Variants in SVOPL observed in about 807,000 individuals in gnomAD.
SVOPL encodes putative transporter SVOPL.
In SVOPL, 60 loss-of-function variants were observed where a neutral mutation model predicts 61.0. The ratio of observed to expected loss-of-function variants is 0.98; its 90% CI spans 0.80 to 1.22. SVOPL has a LOEUF of 1.22. Among genes scored for constraint, SVOPL ranks in the 50% most tolerant of loss-of-function variants. The probability of loss-of-function intolerance (pLI) is 0.00; values close to 1 mark genes in which losing one functional copy is unlikely to be tolerated. For synonymous variants in SVOPL, 279 were observed against 250.0 expected (o/e 1.12, Z -1.09); for missense variants, 662 against 643.9 (o/e 1.03, Z -0.30).
chr7:138,693,002 T>C (rs1267452864), intron 1 of SVOPL, among the ~76,000 whole-genome samples: 1 of 152,136 alleles, frequency 6.6e-6, no homozygotes, highest in African/African-American at 2.4e-5. Flanking sequence ...GAGCTATAAG[T>C]GTACCATGTA....
At chr7:138,666,674 CAG>C (rs577675594) in intron 4 of SVOPL, among the ~76,000 whole-genome samples, 210 of 152,302 alleles carry the variant, frequency 1.4e-3, no homozygotes, top group Non-Finnish European at 2.4e-3. Context: ...GCAGCTTATA[CAG>C]AGAGTGCACA....
Position 138,697,799 on chromosome 7 carries a change from GGAA to G in SVOPL, c.-35+3376_-35+3378del, listed in dbSNP as rs369205677. The stretch of plus-strand genomic sequence containing the variant: ...GAGGAGGAGAAGGAGAAGAAGAAGA[GGAA>G]GAAGAAGAAGAGAGAAGAGAAGGAA... On this transcript the variant is annotated intron_variant, in intron 1 of 15. Coordinates refer to ENST00000674285, the MANE Select transcript of SVOPL (RefSeq NM_001139456.2). Among the ~76,000 whole-genome samples the G allele has an allele frequency of 5.3e-4, 79 of 150,454 alleles. 2 individuals carry two copies. Among genetic ancestry groups the G allele is most frequent in the African/African-American group, 1.7e-3 (69 of 40,992 alleles).
intron 14 of SVOPL, among the ~76,000 whole-genome samples, 173 bp downstream of exon 14, chr7:138,620,870 TAGC>T (rs1322381717): frequency 1.3e-5 from 2 of 152,212 alleles, no homozygotes; most frequent in Non-Finnish European, 2.9e-5. Context: ...GAAAGCCTGG[TAGC>T]AGATTTAGCC....
Position 138,685,885 on chromosome 7 carries a change from T to A in SVOPL, c.-34-6806A>T, listed in dbSNP as rs200846874. Among the ~76,000 whole-genome samples the A allele has an allele frequency of 5.6e-5, 8 of 142,930 alleles. No individual in the cohort carries two copies. In the South Asian group the frequency reaches 1.3e-3, roughly 23 times the overall value. 93.8% of individuals were successfully genotyped at this position (142,930 alleles called of 152,430 possible). A position where few individuals can be genotyped will look rare whatever the true frequency, so the allele number is the denominator to read the frequency against. On this transcript the variant is annotated intron_variant, in intron 1 of 15. Coordinates refer to ENST00000674285, the MANE Select transcript of SVOPL (RefSeq NM_001139456.2). ...AGACTGTCTCAAAAAAAAAATAAAA[T>A]AAAATAAATAATAAATAAAAAGGCT...
intron 9 of SVOPL, among the ~76,000 whole-genome samples, chr7:138,633,866 T>C (rs142576977): frequency 6.6e-6 from 1 of 152,194 alleles, no homozygotes; most frequent in African/African-American, 2.4e-5. Flanking sequence ...ATCAGTGATG[T>C]CCTCGGCAAC....
At chr7:138,602,890 C>A (rs561732775) in intron 14 of SVOPL, among the ~76,000 whole-genome samples, 2 of 152,164 alleles carry the variant, frequency 1.3e-5, no homozygotes, top group East Asian at 3.9e-4. Flanking sequence ...AACAAGTGAA[C>A]CAAACTTTGA....
At position 138,598,030 on chromosome 7, in the gene SVOPL, G is replaced by C. The variant is rs1292389620; in HGVS notation, c.1354-1500C>G. ...ACTCCACAATCCAGTAGATGTTACTGGGTATTTTTCCAATAAATTCTACCT... is the reference window on the plus strand; with the variant it reads ...ACTCCACAATCCAGTAGATGTTACTCGGTATTTTTCCAATAAATTCTACCT... On this transcript the variant is annotated intron_variant, in intron 14 of 15. Coordinates refer to ENST00000674285, the MANE Select transcript of SVOPL (RefSeq NM_001139456.2). Among the ~76,000 whole-genome samples the C allele has an allele frequency of 2.0e-5, 3 of 152,132 alleles. No homozygotes were observed. In the East Asian group the frequency reaches 5.8e-4, roughly 29 times the overall value.
At chr7:138,604,322 A>G (rs188103613) in intron 14 of SVOPL, among the ~76,000 whole-genome samples, 1 of 152,218 alleles carries the variant, frequency 6.6e-6, no homozygotes, top group Non-Finnish European at 1.5e-5. Context: ...TACAACAAGC[A>G]TATTTTTATA....
intron 7 of SVOPL, among the ~76,000 whole-genome samples, chr7:138,656,146 T>C (rs1199737971): frequency 6.6e-6 from 1 of 152,224 alleles, no homozygotes; most frequent in Non-Finnish European, 1.5e-5. Flanking sequence ...GCAAAAAGAT[T>C]ATGACTCTCT....
intron 3 of SVOPL, among the ~76,000 whole-genome samples, chr7:138,677,310 C>T (rs1459139664): frequency 1.3e-5 from 2 of 152,044 alleles, no homozygotes; most frequent in Non-Finnish European, 2.9e-5. Context: ...TGAAGACCCA[C>T]GTGATCTCTG....
intron 9 of SVOPL, among the ~76,000 whole-genome samples, chr7:138,639,153 G>A (rs947766811): frequency 6.6e-6 from 1 of 152,306 alleles, no homozygotes; most frequent in Middle Eastern, 3.4e-3. Context: ...TACTTGGGGG[G>A]CTGAGGCAGG....
intron 9 of SVOPL, among the ~76,000 whole-genome samples, chr7:138,635,086 A>C (rs1439583289): frequency 1.3e-5 from 2 of 152,072 alleles, no homozygotes; most frequent in East Asian, 1.9e-4. Flanking sequence ...CAGCCTGACC[A>C]ACATGGAGAA....
chr7:138,689,556 T>TA (rs998519659), intron 1 of SVOPL: 22 of 416,202 alleles, frequency 5.3e-5, no homozygotes, highest in African/African-American at 1.5e-4. Flanking sequence ...AAATTAAAAG[T>TA]AAAAAAAGAA....
intron 4 of SVOPL, chr7:138,663,657 T>C (rs933710885): frequency 9.6e-6 from 9 of 938,816 alleles, no homozygotes; most frequent in Non-Finnish European, 1.1e-5. Flanking sequence ...CAATGGCCTG[T>C]CCTCCCCTGA....
intron 1 of SVOPL, among the ~76,000 whole-genome samples, chr7:138,686,449 T>G (rs1370940929): frequency 6.7e-6 from 1 of 148,846 alleles, no homozygotes; most frequent in Non-Finnish European, 1.5e-5. Flanking sequence ...AACAGCTGTG[T>G]AGTAGCACAT....
chr7:138,678,448 T>C lies in SVOPL; in HGVS notation c.160A>G (p.Met54Val), dbSNP rs1358999580. ...GGAGCACTCACCCCAGTACTGCCCA[T>C]GATCAGAAAGAGGGCAATGTGGAAA... ...GRFHIALFLI[M>V]GSTGVVEAME... Residue 54 changes from methionine (M) to valine (V), a missense_variant, in exon 3 of 16, where the codon ATG (methionine) becomes GTG (valine). Transcript: ENST00000674285. 3 of 1,551,910 alleles carry C rather than the reference T, an allele frequency of 1.9e-6. No homozygotes were observed. The highest frequency in any genetic ancestry group is 2.6e-6 in the Non-Finnish European group (3 of 1,146,992).
At chr7:138,690,396 A>G (rs995505682) in intron 1 of SVOPL, among the ~76,000 whole-genome samples, 1 of 152,124 alleles carries the variant, frequency 6.6e-6, no homozygotes, top group African/African-American at 2.4e-5. Flanking sequence ...AATGGTCCAA[A>G]TGCCCATCAT....
At chr7:138,614,969 A>G (rs1180895031) in intron 14 of SVOPL, among the ~76,000 whole-genome samples, 1 of 152,140 alleles carries the variant, frequency 6.6e-6, no homozygotes, top group Non-Finnish European at 1.5e-5. Context: ...TCTTGGTTGC[A>G]TTACCCAAAT....
intron 1 of SVOPL, among the ~76,000 whole-genome samples, chr7:138,688,003 A>C (rs35220324): frequency 6.6e-6 from 1 of 151,944 alleles, no homozygotes; most frequent in African/African-American, 2.4e-5. Flanking sequence ...AGGTTTCACC[A>C]TGTTGGCCAG....
Sources: allele counts gnomAD v4.1 joint callset (sites outside exome capture counted in the v4.1 genomes callset), GRCh38; gene constraint gnomAD v4.1.1; transcripts MANE v1.5; gene names NCBI Gene and HGNC (gene_info 2026-07-23, HGNC 2026-07-21).